The following LRMDA variants were observed in gnomAD, a reference collection of about 807,000 sequenced individuals.
LRMDA encodes the protein leucine rich melanocyte differentiation associated, also known as leucine-rich melanocyte differentiation-associated protein.
LRMDA carries 18 observed loss-of-function variants against 29.8 expected under a neutral mutation model. That is an observed-to-expected ratio of 0.60 (90% CI 0.42 to 0.90). LRMDA has a LOEUF of 0.90. Among genes scored for constraint, LRMDA ranks in the 40% least tolerant of loss-of-function variants. The pLI is 0.00. For missense variants in LRMDA, 273 were observed against 273.9 expected, an observed-to-expected ratio of 1.00 and a Z score of 0.02; for synonymous variants, 125 against 109.4, an observed-to-expected ratio of 1.14 and a Z score of -0.89.
chr10:76,273,013 G>A (rs1442085314), intron 5 of LRMDA, among the ~76,000 whole-genome samples: 1 of 152,120 alleles, frequency 6.6e-6, no homozygotes, highest in Non-Finnish European at 1.5e-5. Flanking sequence ...GGGACACAGA[G>A]CCAAACCATA....
chr10:76,104,787 ACCCCCCATATGGAAC>A (rs1256131801), intron 5 of LRMDA, among the ~76,000 whole-genome samples: 1 of 151,630 alleles, frequency 6.6e-6, no homozygotes, highest in African/African-American at 2.4e-5. Context: ...TTTGTGGCTC[ACCCCCCATATGGAAC>A]CCCCCTCTGG....
intron 5 of LRMDA, among the ~76,000 whole-genome samples, chr10:76,166,548 T>G (rs1004325044): frequency 3.9e-5 from 6 of 152,178 alleles, no homozygotes; most frequent in Non-Finnish European, 5.9e-5. Flanking sequence ...TAGCTCCTAC[T>G]TATCAGTAAG....
intron 2 of LRMDA, among the ~76,000 whole-genome samples, chr10:75,452,908 T>C (rs1844476567): frequency 2.0e-5 from 3 of 152,214 alleles, no homozygotes; most frequent in African/African-American, 7.2e-5. Flanking sequence ...TGATATGAAA[T>C]ATTTATATAC....
intron 6 of LRMDA, among the ~76,000 whole-genome samples, chr10:76,327,153 A>T (rs933041344): frequency 1.4e-5 from 2 of 144,616 alleles, no homozygotes; most frequent in African/African-American, 5.2e-5. Flanking sequence ...GTGCAATGGC[A>T]CAATCTTAGC....
chr10:75,787,088 G>A (rs1196910502), intron 2 of LRMDA, among the ~76,000 whole-genome samples: 1 of 152,256 alleles, frequency 6.6e-6, no homozygotes, highest in East Asian at 1.9e-4. Flanking sequence ...GTTTGCAGCT[G>A]TCTCTGATAG....
intron 2 of LRMDA, among the ~76,000 whole-genome samples, chr10:75,827,140 G>A (rs1844259856): frequency 6.6e-6 from 1 of 152,134 alleles, no homozygotes; most frequent in Admixed American, 6.5e-5. Flanking sequence ...AAAATGTGAT[G>A]ATTGCACATC....
intron 2 of LRMDA, among the ~76,000 whole-genome samples, chr10:75,809,082 TG>T (rs1843910507): frequency 6.6e-6 from 1 of 152,080 alleles, no homozygotes; most frequent in Non-Finnish European, 1.5e-5. Flanking sequence ...GCCCATCCTC[TG>T]GGGGTCAGCT....
intron 2 of LRMDA, among the ~76,000 whole-genome samples, chr10:75,542,060 G>A (rs905607325): frequency 2.6e-5 from 4 of 152,048 alleles, no homozygotes; most frequent in African/African-American, 9.7e-5. Context: ...ATTATCCAGC[G>A]CTTGATGTCA....
chr10:76,068,349 C>T (rs887406452), intron 5 of LRMDA, among the ~76,000 whole-genome samples: 2 of 152,150 alleles, frequency 1.3e-5, no homozygotes, highest in Non-Finnish European at 2.9e-5. Flanking sequence ...GTAAGATAAT[C>T]TTAGGGCAGC....
intron 2 of LRMDA, among the ~76,000 whole-genome samples, chr10:75,753,659 G>C (rs1297196452): frequency 6.6e-6 from 1 of 152,196 alleles, no homozygotes; most frequent in African/African-American, 2.4e-5. Context: ...AGCCTAGAAA[G>C]GAGTTTGGCT....
chr10:75,720,448 A>T (rs370292511), intron 2 of LRMDA, among the ~76,000 whole-genome samples: 1 of 152,206 alleles, frequency 6.6e-6, no homozygotes, highest in Non-Finnish European at 1.5e-5. Flanking sequence ...AAATTATTTC[A>T]TGCATAGTCT....
At chr10:76,146,620 C>A (rs940052181) in intron 5 of LRMDA, among the ~76,000 whole-genome samples, 3 of 151,982 alleles carry the variant, frequency 2.0e-5, no homozygotes, top group Non-Finnish European at 4.4e-5. Flanking sequence ...TGCAGCACAC[C>A]GATGGGTCTT....
chr10:75,495,232 C>T (rs1264545371), intron 2 of LRMDA, among the ~76,000 whole-genome samples: 1 of 152,134 alleles, frequency 6.6e-6, no homozygotes, highest in Non-Finnish European at 1.5e-5. Context: ...CTCTCTCTTT[C>T]TGTCTCCTTC....
At chr10:76,155,622 G>A (rs1183662201) in intron 5 of LRMDA, among the ~76,000 whole-genome samples, 2 of 152,096 alleles carry the variant, frequency 1.3e-5, no homozygotes, top group Non-Finnish European at 2.9e-5. Flanking sequence ...AGGGTACCTT[G>A]TATTTTGGGA....
chr10:75,708,772 T>A (rs1291269103), intron 2 of LRMDA, among the ~76,000 whole-genome samples: 1 of 152,218 alleles, frequency 6.6e-6, no homozygotes, highest in Non-Finnish European at 1.5e-5. Context: ...AGCAAGGGTT[T>A]CTAAATTAGT....
intron 5 of LRMDA, among the ~76,000 whole-genome samples, chr10:76,136,918 A>T (rs1050365887): frequency 3.3e-5 from 5 of 152,172 alleles, no homozygotes; most frequent in Non-Finnish European, 7.3e-5. Context: ...TAACCAAAGG[A>T]GGTTTGTGGA....
chr10:75,459,465 C>T (rs1844559225), intron 2 of LRMDA, among the ~76,000 whole-genome samples: 1 of 152,054 alleles, frequency 6.6e-6, no homozygotes, highest in South Asian at 2.1e-4. Context: ...CCTGGGATCC[C>T]CTATGCTATG....
At chr10:76,091,299 G>GTC (rs2132091077) in intron 5 of LRMDA, among the ~76,000 whole-genome samples, 1 of 151,940 alleles carries the variant, frequency 6.6e-6, no homozygotes, top group African/African-American at 2.4e-5. Flanking sequence ...GTGTGTGTGT[G>GTC]TGTGTGTGTG....
At chr10:75,679,907 T>TA (rs905905523) in intron 2 of LRMDA, among the ~76,000 whole-genome samples, 233 of 147,422 alleles carry the variant, frequency 1.6e-3, no homozygotes, top group African/African-American at 4.6e-3. Flanking sequence ...TCACAGGAAA[T>TA]AAAAAAAAAA....
Sources: allele counts gnomAD v4.1 joint callset (sites outside exome capture counted in the v4.1 genomes callset), GRCh38; gene constraint gnomAD v4.1.1; transcripts MANE v1.5; gene names NCBI Gene and HGNC (gene_info 2026-07-23, HGNC 2026-07-21).